Variants in IBA57 observed in about 807,000 individuals in gnomAD.
The protein encoded by IBA57 is iron-sulfur cluster assembly factor IBA57.
In IBA57, 20 loss-of-function variants were observed where a neutral mutation model predicts 20.4. That is an observed-to-expected ratio of 0.98 (90% CI 0.69 to 1.42). IBA57 has a LOEUF of 1.42. Ranked by LOEUF, IBA57 falls within the 40% of genes most tolerant of loss-of-function variation. The pLI is 0.00. For synonymous variants in IBA57, 310 were observed against 233.9 expected, an observed-to-expected ratio of 1.33 and a Z score of -2.97; for missense variants, 608 against 499.3, an observed-to-expected ratio of 1.22 and a Z score of -2.07.
intron 1 of IBA57, among the ~76,000 whole-genome samples, chr1:228,168,049 A>G (rs1056728514): frequency 8.5e-5 from 13 of 152,138 alleles, no homozygotes; most frequent in African/African-American, 1.2e-4. Flanking sequence ...TTTGTGGTGT[A>G]AAGTACAGCT....
Position 228,170,840 on chromosome 1 carries a change from G to A in IBA57, c.342-3852G>A, listed in dbSNP as rs1208384708. On this transcript the variant is annotated intron_variant, in intron 1 of 2. Coordinates refer to ENST00000366711, the MANE Select transcript of IBA57 (RefSeq NM_001010867.4). This position sits in a 1 kb window ranked among gnomAD's most constrained non-coding sequence, Gnocchi z 4.8. ...CCTCTGGTGGCCTGGGGAGGAGGGAGGAGAGAGAAGGGAAGGAGTCAGGCC... is the reference window on the plus strand; with the variant it reads ...CCTCTGGTGGCCTGGGGAGGAGGGAAGAGAGAGAAGGGAAGGAGTCAGGCC... 1.3e-5 allele frequency among the ~76,000 whole-genome samples: 2 copies of A among 152,186 alleles called. No homozygotes were observed. Among genetic ancestry groups the A allele is most frequent in the Non-Finnish European group, 1.5e-5 (1 of 68,026 alleles).
At chr1:228,166,713 T>C (rs1302318629) in intron 1 of IBA57, among the ~76,000 whole-genome samples, 6 of 152,202 alleles carry the variant, frequency 3.9e-5, no homozygotes, top group Non-Finnish European at 8.8e-5. Flanking sequence ...TGTGCTGACA[T>C]CACGACTGTC....
At position 228,175,286 on chromosome 1, in the gene IBA57, G is replaced by A. The variant is rs767068232; in HGVS notation, c.844G>A (p.Val282Ile). 4.3e-6 allele frequency: 7 copies of A among 1,612,676 alleles called. No individual in the cohort carries two copies. The African/African-American group carries it at 6.7e-5, about 15-fold the overall frequency. The stretch of plus-strand genomic sequence containing the variant: ...CGTCATCCGCAAGCGCCTCTTCCCT[G>A]TCCGGTTCTTGGACCCCCTTCCCAC... ...MGVIRKRLFP[V>I]RFLDPLPTSG... The change falls in exon 3 of 3, where the codon GTC becomes ATC. Residue 282 changes from valine to isoleucine, a missense_variant. Transcript: ENST00000366711.
rs946036673 is a variant in IBA57 at position 228,181,089 on chromosome 1, G to A, written c.*5576G>A. On this transcript the variant is annotated 3_prime_UTR_variant, in exon 3 of 3. Transcript: ENST00000366711. ...GTGTTAAGAGATGGGGCCTGTAAGA[G>A]GTGATTAGGCTGTGAGGGCTCCACT... is the stretch of plus-strand genomic sequence containing the variant. 5 of 152,228 alleles carry A rather than the reference G, an allele frequency of 3.3e-5. No homozygotes were observed. Among genetic ancestry groups the A allele is most frequent in the Non-Finnish European group, 5.9e-5 (4 of 68,138 alleles). The allele number at this position is 152,228 out of a possible 1,614,324, so 9.4% of individuals were successfully genotyped here.
In IBA57 at chr1:228,180,851, T is replaced by C. The variant is rs2035099602; in HGVS notation, c.*5338T>C. The C allele has an allele frequency of 6.6e-6, 1 of 150,864 alleles. No individual in the cohort carries two copies. The highest frequency in any genetic ancestry group is 2.1e-4 in the South Asian group (1 of 4,770). The allele number at this position is 150,864 out of a possible 1,614,324, so 9.3% of individuals were successfully genotyped here. A position where few individuals can be genotyped will look rare whatever the true frequency, so the allele number is the denominator to read the frequency against. On this transcript the variant is annotated 3_prime_UTR_variant, in exon 3 of 3. Coordinates refer to ENST00000366711, the MANE Select transcript of IBA57 (RefSeq NM_001010867.4). The stretch of plus-strand genomic sequence containing the variant: ...TTTTTTACTTTTTGTAGAGATGGGG[T>C]TCTCACTGCATTGCCCAGGCTGGTC...
At position 228,174,809 on chromosome 1, in the gene IBA57, G is replaced by T; in HGVS notation, c.459G>T (p.Pro153=). The change falls in exon 2 of 3, where the codon CCG becomes CCT. Residue 153 remains proline, a synonymous_variant. Transcript: ENST00000366711. ...YRIRRKVTVE[P]HPELRVWAVL... is the part of the protein sequence containing the mutation. ...TCCGGCGGAAGGTCACGGTGGAGCCGCACCCGGAGCTGCGAGTGTGGGCGG... is the reference window on the plus strand; with the variant it reads ...TCCGGCGGAAGGTCACGGTGGAGCCTCACCCGGAGCTGCGAGTGTGGGCGG... 1 of 1,610,204 alleles carries T rather than the reference G, an allele frequency of 6.2e-7. No individual in the cohort carries two copies. Among genetic ancestry groups the T allele is most frequent in the Admixed American group, 1.7e-5 (1 of 59,762 alleles).
rs2035112284 is a variant in IBA57, at chr1:228,181,588, G to A, written c.*6075G>A. The A allele has an allele frequency of 6.6e-6, 1 of 152,262 alleles. No homozygotes were observed. The highest frequency in any genetic ancestry group is 6.5e-5 in the Admixed American group (1 of 15,294). The allele number at this position is 152,262 out of a possible 1,614,324, so 9.4% of individuals were successfully genotyped here. On this transcript the variant is annotated 3_prime_UTR_variant, in exon 3 of 3. Coordinates refer to ENST00000366711, the MANE Select transcript of IBA57 (RefSeq NM_001010867.4). ...TCTCTGCATCTCCACACTTGCACAG[G>A]TTGTGTGTACATACATTTTCCTGTC...
chr1:228,175,670 C>A lies in IBA57; in HGVS notation c.*157C>A. ...TCCCCCTTGTAGGTGCCCTGCCTGG[C>A]CCCACCCATGCTCAGGGGCCCCAGG... On this transcript the variant is annotated 3_prime_UTR_variant, in exon 3 of 3. Transcript: ENST00000366711. 1 of 964,604 alleles carries A rather than the reference C, an allele frequency of 1.0e-6. No homozygotes were observed. The highest frequency in any genetic ancestry group is 1.4e-6 in the Non-Finnish European group (1 of 691,016). The allele number at this position is 964,604 out of a possible 1,614,324, so 59.8% of individuals were successfully genotyped here.
rs527410823 is a variant in IBA57, at chr1:228,170,864, C to T, written c.342-3828C>T. The stretch of plus-strand genomic sequence containing the variant: ...AGGAGAGAGAAGGGAAGGAGTCAGG[C>T]CGGGTCCCAGAGCAGTGTTTTCCTG... On this transcript the variant is annotated intron_variant, in intron 1 of 2. Transcript: ENST00000366711. This position sits in a 1 kb window ranked among gnomAD's most constrained non-coding sequence, Gnocchi z 4.8. Among the ~76,000 whole-genome samples, 1 of 152,130 alleles carries T rather than the reference C, an allele frequency of 6.6e-6. No individual in the cohort carries two copies. Among genetic ancestry groups the T allele is most frequent in the Admixed American group, 6.6e-5 (1 of 15,254 alleles).
intron 1 of IBA57, among the ~76,000 whole-genome samples, chr1:228,167,896 A>T (rs911659484): frequency 6.6e-6 from 1 of 152,174 alleles, no homozygotes; most frequent in Non-Finnish European, 1.5e-5. Context: ...GGAGCCTTCT[A>T]TGTTAGTACT....
chr1:228,177,541 G>A lies in IBA57; in HGVS notation c.*2028G>A, dbSNP rs1019500955. ...GTCTTGCTCTGTTGGCCAGGCTGGA[G>A]CTCAGTGGCACAATCTCTGCTCACT... On this transcript the variant is annotated 3_prime_UTR_variant, in exon 3 of 3. Transcript: ENST00000366711. 4 of 135,258 alleles carry A rather than the reference G, an allele frequency of 3.0e-5. No individual in the cohort carries two copies. Among genetic ancestry groups the A allele is most frequent in the African/African-American group, 8.4e-5 (3 of 35,888 alleles). The allele number at this position is 135,258 out of a possible 1,614,324, so 8.4% of individuals were successfully genotyped here. A position where few individuals can be genotyped will look rare whatever the true frequency, so the allele number is the denominator to read the frequency against.
At position 228,170,235 on chromosome 1, in the gene IBA57, A is replaced by T. The variant is rs1394998162; in HGVS notation, c.341+4078A>T. On this transcript the variant is annotated intron_variant, in intron 1 of 2. Transcript: ENST00000366711. The surrounding 1 kb of genome is among the most constrained non-coding windows in gnomAD (Gnocchi z 4.8). ...TGGACCACAGTTTATTTGTCCACTCATCTACTGAGGGACATATTGGTTGCT... is the reference window on the plus strand; with the variant it reads ...TGGACCACAGTTTATTTGTCCACTCTTCTACTGAGGGACATATTGGTTGCT... Among the ~76,000 whole-genome samples the T allele has an allele frequency of 1.3e-5, 2 of 152,240 alleles. No homozygotes were observed. Among genetic ancestry groups the T allele is most frequent in the Admixed American group, 6.5e-5 (1 of 15,284 alleles).
At chr1:228,166,365 G>A (rs2034853489) in intron 1 of IBA57, among the ~76,000 whole-genome samples, 1 of 152,048 alleles carries the variant, frequency 6.6e-6, no homozygotes, top group Admixed American at 6.6e-5. Flanking sequence ...CACTTGGGAT[G>A]GACACCCAGG....
rs1196826680 is a variant in IBA57 at position 228,178,476 on chromosome 1, G to T, written c.*2963G>T. The T allele has an allele frequency of 6.6e-6, 1 of 152,416 alleles. No individual in the cohort carries two copies. Among genetic ancestry groups the T allele is most frequent in the East Asian group, 1.9e-4 (1 of 5,198 alleles). 9.4% of individuals were successfully genotyped at this position (152,416 alleles called of 1,614,324 possible). ...CACACCTGTGGTCCCACCTATTCGG[G>T]AGGCTGAAGTGCGAGGATCACTTGA... On this transcript the variant is annotated 3_prime_UTR_variant, in exon 3 of 3. Coordinates refer to ENST00000366711, the MANE Select transcript of IBA57 (RefSeq NM_001010867.4).
chr1:228,174,652 G>C, intron 1 of IBA57, 40 bp from the exon 2 acceptor site: 1 of 1,477,170 alleles, frequency 6.8e-7, no homozygotes, highest in Non-Finnish European at 9.0e-7. Flanking sequence ...GGCCCACTCA[G>C]TTGGTGAGCT....
At position 228,165,888 on chromosome 1, in the gene IBA57, C is replaced by T. The variant is rs1300765243; in HGVS notation, c.72C>T (p.Arg24=). Residue 24 remains arginine (R), a synonymous_variant, in exon 1 of 3, where the codon CGC becomes CGT. Transcript: ENST00000366711. ...RGGPVWRWRL[R]AAPRCRLAHS... ...GCCCGGTCTGGCGCTGGCGGCTGCG[C>T]GCGGCCCCAAGGTGCCGCCTGGCCC... The T allele has an allele frequency of 7.4e-7, 1 of 1,349,040 alleles. No homozygotes were observed. Among genetic ancestry groups the T allele is most frequent in the Non-Finnish European group, 9.5e-7 (1 of 1,055,710 alleles). The allele number at this position is 1,349,040 out of a possible 1,614,324, so 83.6% of individuals were successfully genotyped here.
At position 228,165,905 on chromosome 1, in the gene IBA57, G is replaced by A. The variant is rs2034841698; in HGVS notation, c.89G>A (p.Arg30His). Residue 30 changes from arginine to histidine, a missense_variant, in exon 1 of 3, where the codon CGC becomes CAC. Coordinates refer to ENST00000366711, the MANE Select transcript of IBA57 (RefSeq NM_001010867.4). ...CGGCTGCGCGCGGCCCCAAGGTGCC[G>A]CCTGGCCCACAGCTCCTGCAGTCCT... The part of the protein sequence containing the change: ...RWRLRAAPRC[R>H]LAHSSCSPGG... The A allele has an allele frequency of 2.8e-6, 4 of 1,442,430 alleles. No individual in the cohort carries two copies. The highest frequency in any genetic ancestry group is 2.6e-5 in the Admixed American group (1 of 39,078). The allele number at this position is 1,442,430 out of a possible 1,614,324, so 89.4% of individuals were successfully genotyped here.
In IBA57 at chr1:228,181,554, A is replaced by T. The variant is rs925925628; in HGVS notation, c.*6041A>T. On this transcript the variant is annotated 3_prime_UTR_variant, in exon 3 of 3. Transcript: ENST00000366711. ...GAATAAGGAATGTTTGCCTGTTCTTATTCAGGGGTCTCTGCATCTCCACAC... is the reference window on the plus strand; with the variant it reads ...GAATAAGGAATGTTTGCCTGTTCTTTTTCAGGGGTCTCTGCATCTCCACAC... The T allele has an allele frequency of 2.0e-5, 3 of 152,258 alleles. No homozygotes were observed. The highest frequency in any genetic ancestry group is 7.2e-5 in the African/African-American group (3 of 41,454). 9.4% of individuals were successfully genotyped at this position (152,258 alleles called of 1,614,324 possible). A position where few individuals can be genotyped will look rare whatever the true frequency, so the allele number is the denominator to read the frequency against.
chr1:228,174,512 C>G lies in IBA57; in HGVS notation c.342-180C>G, dbSNP rs12141488. The stretch of plus-strand genomic sequence containing the variant: ...GCGTGGCTCGCTGTGGGCGTGGCTC[C>G]CTGCGTGTGGTGACCTGGGCGCTTG... On this transcript the variant is annotated intron_variant, in intron 1 of 2. Transcript: ENST00000366711. 350,486 of 358,236 alleles carry G rather than the reference C, an allele frequency of 0.98. 172,247 individuals carry two copies. The highest frequency in any genetic ancestry group is 1 in the South Asian group (21,875 of 21,884). 22.2% of individuals were successfully genotyped at this position (358,236 alleles called of 1,614,324 possible). A position where few individuals can be genotyped will look rare whatever the true frequency, so the allele number is the denominator to read the frequency against.
Sources: gnomAD v4.1 joint callset for allele counts (sites outside exome capture counted in the v4.1 genomes callset) on GRCh38, gnomAD v4.1.1 for gene constraint, Gnocchi (gnomAD v3.1) non-coding constraint, MANE v1.5 for transcripts, NCBI Gene and HGNC (gene_info 2026-07-23, HGNC 2026-07-21) for gene names.